Variants in PGS1 observed in about 807,000 individuals in gnomAD.
The protein encoded by PGS1 is phosphatidylglycerophosphate synthase 1, also known as CDP-diacylglycerol--glycerol-3-phosphate 3-phosphatidyltransferase, mitochondrial.
PGS1 carries 44 observed loss-of-function variants against 58.3 expected under a neutral mutation model. The ratio of observed to expected loss-of-function variants is 0.75; its 90% CI spans 0.59 to 0.97. The LOEUF (loss-of-function observed/expected upper bound fraction) is 0.97. Among genes scored for constraint, PGS1 ranks in the 50% least tolerant of loss-of-function variants. PGS1 has a pLI of 0.00. For missense variants in PGS1, 684 were observed against 731.1 expected (o/e 0.94, Z 0.74); for synonymous variants, 330 against 311.0 (o/e 1.06, Z -0.64).
rs2083903678 is a variant in PGS1, at chr17:78,403,998, A to G, written c.1311A>G (p.Arg437=). 1 of 1,613,860 alleles carries G rather than the reference A, an allele frequency of 6.2e-7. No homozygotes were observed. Among genetic ancestry groups the G allele is most frequent in the East Asian group, 2.2e-5 (1 of 44,878 alleles). ...CAGCGGCCTATGTGCACATCGAGCG[A>G]CAGTTCTTCAGTGAGGTGTGCAGCC... ...AIPAAYVHIE[R]QFFSEVCSLG... Residue 437 remains arginine, a synonymous_variant, in exon 7 of 10, where the codon CGA becomes CGG. Coordinates refer to ENST00000262764, the MANE Select transcript of PGS1 (RefSeq NM_024419.5).
Position 78,396,391 on chromosome 17 carries a change from G to C in PGS1, c.411+6G>C, listed in dbSNP as rs2083231362. 1.3e-6 allele frequency: 2 copies of C among 1,595,558 alleles called. No homozygotes were observed. Among genetic ancestry groups the C allele is most frequent in the African/African-American group, 1.4e-5 (1 of 74,048 alleles). ...GTCCTTTGGAACAGGAGCTGGTAAG[G>C]TTTATGGGGAGATGGTTGTGGCAGC... On this transcript the variant is annotated splice_donor_region_variant and intron_variant, in intron 3 of 9. Coordinates refer to ENST00000262764, the MANE Select transcript of PGS1 (RefSeq NM_024419.5).
At chr17:78,420,652 A>G (rs902119464) in intron 9 of PGS1, 2 of 152,198 alleles carry the variant, frequency 1.3e-5, no homozygotes, top group Non-Finnish European at 2.9e-5. Flanking sequence ...CTGGCACCTT[A>G]GTGCTCTGCT....
At chr17:78,405,413 A>G (rs562369977) in intron 7 of PGS1, among the ~76,000 whole-genome samples, 4 of 152,198 alleles carry the variant, frequency 2.6e-5, no homozygotes, top group South Asian at 4.1e-4. Flanking sequence ...CTATATGCCA[A>G]TGTCTGCCTT....
intron 7 of PGS1, 89 bp from the exon 8 acceptor site, chr17:78,414,790 G>A (rs3744216): frequency 0.83 from 1,225,272 of 1,478,486 alleles, 509,695 homozygotes; most frequent in East Asian, 0.94. Context: ...AGGGCAGGCC[G>A]CCTTTCTCTT....
At chr17:78,380,085 C>G (rs2081930958) in intron 1 of PGS1, among the ~76,000 whole-genome samples, 1 of 151,966 alleles carries the variant, frequency 6.6e-6, no homozygotes, top group Non-Finnish European at 1.5e-5. Context: ...AGGCTGGTCT[C>G]TAACTCCCAG....
rs769127341 is a variant in PGS1 at position 78,392,518 on chromosome 17, T to TC, written c.190dup (p.Gln64ProfsTer35). 1 of 1,614,026 alleles carries TC rather than the reference T, an allele frequency of 6.2e-7. No individual in the cohort carries two copies. The highest frequency in any genetic ancestry group is 8.5e-7 in the Non-Finnish European group (1 of 1,179,972). On this transcript the variant is annotated frameshift_variant, in exon 2 of 10. Coordinates refer to ENST00000262764, the MANE Select transcript of PGS1 (RefSeq NM_024419.5). LOFTEE classifies it high-confidence loss of function. ...TGGCTCCCTTGCTGTCCCCAGCTGTTCCCCAGGTCACCTCCCCACCTTGCT... is the reference window on the plus strand; with the variant it reads ...TGGCTCCCTTGCTGTCCCCAGCTGTTCCCCCAGGTCACCTCCCCACCTTGCT...
chr17:78,412,439 C>T (rs1309234028), intron 7 of PGS1, among the ~76,000 whole-genome samples: 1 of 152,110 alleles, frequency 6.6e-6, no homozygotes, highest in Non-Finnish European at 1.5e-5. Flanking sequence ...TCTACAGATA[C>T]GTATACAGTC....
At chr17:78,386,954 G>GTGGTGA (rs1362687783) in intron 1 of PGS1, among the ~76,000 whole-genome samples, 2 of 151,088 alleles carry the variant, frequency 1.3e-5, no homozygotes, top group African/African-American at 4.9e-5. Flanking sequence ...GGTGATGATG[G>GTGGTGA]TGATGATGAT....
At chr17:78,414,257 A>G (rs1379869149) in intron 7 of PGS1, among the ~76,000 whole-genome samples, 2 of 152,240 alleles carry the variant, frequency 1.3e-5, no homozygotes, top group Non-Finnish European at 2.9e-5. Context: ...CCTTCAAGGC[A>G]GACCTGTTCT....
At chr17:78,399,672 G>C (rs12450528) in intron 5 of PGS1, 135 bp downstream of exon 5, 2 of 809,814 alleles carry the variant, frequency 2.5e-6, no homozygotes, top group African/African-American at 1.7e-5. Context: ...GTGCACCCGC[G>C]GCACCTCCCC....
At chr17:78,389,846 C>A (rs1282062473) in intron 1 of PGS1, among the ~76,000 whole-genome samples, 1 of 151,480 alleles carries the variant, frequency 6.6e-6, no homozygotes, top group East Asian at 2.0e-4. Flanking sequence ...GAACTCCTGA[C>A]CTCAAGTTTT....
intron 9 of PGS1, among the ~76,000 whole-genome samples, chr17:78,423,251 C>T (rs1481186582): frequency 6.6e-6 from 1 of 152,198 alleles, no homozygotes; most frequent in Non-Finnish European, 1.5e-5. Context: ...AGCCTGGCCA[C>T]CTCACTGCCG....
At chr17:78,386,106 C>T (rs1487682837) in intron 1 of PGS1, among the ~76,000 whole-genome samples, 1 of 152,204 alleles carries the variant, frequency 6.6e-6, no homozygotes, top group Non-Finnish European at 1.5e-5. Flanking sequence ...CACGGGAAGC[C>T]TTAAATCAGG....
rs892838786 is a variant in PGS1, at chr17:78,417,762, C to T, written c.1552-1784C>T. Among the ~76,000 whole-genome samples, 14 of 151,376 alleles carry T rather than the reference C, an allele frequency of 9.2e-5. 1 individual carries two copies. The highest frequency in any genetic ancestry group is 1.9e-4 in the East Asian group (1 of 5,156). ...ATGGCCCGGACATTACGGTGGAGAG[C>T]GCTGGAGACTCAGTGGAGGAGAGAG... On this transcript the variant is annotated intron_variant, in intron 8 of 9. Transcript: ENST00000262764.
chr17:78,415,177 G>A (rs2085072203), intron 8 of PGS1, 150 bp downstream of exon 8: 11 of 868,768 alleles, frequency 1.3e-5, no homozygotes, highest in Non-Finnish European at 1.8e-5. Context: ...GTCTCCAAGA[G>A]TGCAGTGATG....
rs1455822668 is a variant in PGS1, at chr17:78,419,555, C to A, written c.1561C>A (p.Gln521Lys). The A allele has an allele frequency of 6.2e-7, 1 of 1,613,882 alleles. No homozygotes were observed. The highest frequency in any genetic ancestry group is 2.2e-5 in the East Asian group (1 of 44,876). Reference protein sequence around the residue: ...LQQQLHQEQEQLYLRSGVVSS... With the variant: ...LQQQLHQEQEKLYLRSGVVSS... ...TGTTCCTCTTCCTCAGGAGCAAGAG[C>A]AGCTCTACCTGAGGTCAGGTGTGGT... The change falls in exon 9 of 10, where the codon CAG becomes AAG. Residue 521 changes from glutamine to lysine, a missense_variant. Transcript: ENST00000262764.
chr17:78,392,419 C>T (rs2082898294), intron 1 of PGS1, 57 bp from the exon 2 acceptor site: 1 of 1,324,692 alleles, frequency 7.5e-7, no homozygotes, highest in South Asian at 1.4e-5. Context: ...AGGGGGGCTT[C>T]TGCAGAAGTA....
chr17:78,401,201 CAGG>C (rs1412926919), intron 6 of PGS1, among the ~76,000 whole-genome samples: 3 of 152,106 alleles, frequency 2.0e-5, no homozygotes, highest in Non-Finnish European at 4.4e-5. Context: ...GGTGAACTAG[CAGG>C]GGGGTGACAA....
chr17:78,386,954 GTGATGATGA>G (rs759074948), intron 1 of PGS1, among the ~76,000 whole-genome samples: 24 of 151,088 alleles, frequency 1.6e-4, no homozygotes, highest in African/African-American at 3.4e-4. Flanking sequence ...GGTGATGATG[GTGATGATGA>G]TGATGATGAT....
Sources: gnomAD v4.1 joint callset for allele counts (sites outside exome capture counted in the v4.1 genomes callset) on GRCh38, gnomAD v4.1.1 for gene constraint, MANE v1.5 for transcripts, NCBI Gene and HGNC (gene_info 2026-07-23, HGNC 2026-07-21) for gene names.